The following CCDC6 variants were observed in gnomAD, a reference collection of about 807,000 sequenced individuals.
CCDC6 encodes the protein coiled-coil domain containing 6.
Under a neutral mutation model 56.6 loss-of-function variants are expected in CCDC6, and 20 were observed. The observed-to-expected ratio is 0.35, with a 90% confidence interval of 0.25 to 0.51. The LOEUF (loss-of-function observed/expected upper bound fraction) is 0.51. Ranked by LOEUF, CCDC6 falls within the 20% of genes least tolerant of loss-of-function variation. The probability of loss-of-function intolerance (pLI) is 0.95; values close to 1 mark genes in which losing one functional copy is unlikely to be tolerated. For missense variants in CCDC6, 367 were observed against 601.1 expected, an observed-to-expected ratio of 0.61 and a Z score of 4.07; for synonymous variants, 241 against 234.4, an observed-to-expected ratio of 1.03 and a Z score of -0.26.
At position 59,804,535 on chromosome 10, in the gene CCDC6, G is replaced by A. The variant is rs544550157; in HGVS notation, c.1005-15C>T. 1.1e-5 allele frequency: 16 copies of A among 1,491,768 alleles called. No individual in the cohort carries two copies. Among genetic ancestry groups the A allele is most frequent in the South Asian group, 1.0e-4 (9 of 88,590 alleles). 92.4% of individuals were successfully genotyped at this position (1,491,768 alleles called of 1,614,324 possible). A position where few individuals can be genotyped will look rare whatever the true frequency, so the allele number is the denominator to read the frequency against. Reference sequence around the variant, plus strand: ...CATTAAAATACCTAAGAGGAGAGAGGAGGAAACGATAAAACCACCTGCATT... The same window carrying A: ...CATTAAAATACCTAAGAGGAGAGAGAAGGAAACGATAAAACCACCTGCATT... On this transcript the variant is annotated splice_polypyrimidine_tract_variant and intron_variant, in intron 6 of 8. Transcript: ENST00000263102.
chr10:59,811,701 G>GAGGAACCC (rs1489405835), intron 5 of CCDC6, among the ~76,000 whole-genome samples: 2 of 152,086 alleles, frequency 1.3e-5, no homozygotes, highest in African/African-American at 4.8e-5. Context: ...AGTCAGCCCT[G>GAGGAACCC]AGGAACCCAC....
intron 7 of CCDC6, among the ~76,000 whole-genome samples, chr10:59,803,761 T>C (rs2070595988): frequency 6.6e-6 from 1 of 152,232 alleles, no homozygotes; most frequent in South Asian, 2.1e-4. Flanking sequence ...GGAAAGGTTG[T>C]GAGGGCAAAG....
chr10:59,825,913 G>A (rs2070784150), intron 3 of CCDC6, among the ~76,000 whole-genome samples: 1 of 152,136 alleles, frequency 6.6e-6, no homozygotes, highest in Non-Finnish European at 1.5e-5. Flanking sequence ...TTTGTCCTGA[G>A]GATTCAAATT....
intron 1 of CCDC6, among the ~76,000 whole-genome samples, chr10:59,881,166 T>A (rs2071331938): frequency 6.6e-6 from 1 of 152,188 alleles, no homozygotes; most frequent in Non-Finnish European, 1.5e-5. Flanking sequence ...TCTTGTCTAC[T>A]GTTTTCACTG....
intron 2 of CCDC6, among the ~76,000 whole-genome samples, chr10:59,843,533 C>A (rs1456796217): frequency 3.3e-5 from 5 of 152,174 alleles, no homozygotes; most frequent in Non-Finnish European, 1.5e-5. Context: ...TTATAGTATA[C>A]GCCCGGTAAT....
chr10:59,789,386 A>C lies in CCDC6; in HGVS notation c.*3531T>G, dbSNP rs2070448227. ...ATCAGAACTGCTGAGCATTCCAGAA[A>C]ATGCCCCCCACGACTTTATGCTAAC... On this transcript the variant is annotated 3_prime_UTR_variant, in exon 9 of 9. Coordinates refer to ENST00000263102, the MANE Select transcript of CCDC6 (RefSeq NM_005436.5). 4.3e-6 allele frequency: 1 copy of C among 230,582 alleles called. No individual in the cohort carries two copies. The highest frequency in any genetic ancestry group is 8.6e-6 in the Non-Finnish European group (1 of 116,438). 14.3% of individuals were successfully genotyped at this position (230,582 alleles called of 1,614,324 possible).
At chr10:59,865,401 C>T (rs1241089067) in intron 1 of CCDC6, among the ~76,000 whole-genome samples, 1 of 152,154 alleles carries the variant, frequency 6.6e-6, no homozygotes, top group African/African-American at 2.4e-5. Flanking sequence ...AAATCCAAGG[C>T]TCCTCCCACC....
chr10:59,904,092 A>C (rs1423419167), intron 1 of CCDC6, among the ~76,000 whole-genome samples: 4 of 152,250 alleles, frequency 2.6e-5, no homozygotes, highest in Non-Finnish European at 2.9e-5. Context: ...AAGAACTGAG[A>C]GGCTTCTGGT....
chr10:59,887,546 GAATAT>G (rs1478862409), intron 1 of CCDC6, among the ~76,000 whole-genome samples: 2 of 150,780 alleles, frequency 1.3e-5, no homozygotes, highest in African/African-American at 4.9e-5. Context: ...GGGCAGAACA[GAATAT>G]AATATCATAT....
At chr10:59,894,274 T>C (rs895138567) in intron 1 of CCDC6, among the ~76,000 whole-genome samples, 1 of 152,146 alleles carries the variant, frequency 6.6e-6, no homozygotes, top group African/African-American at 2.4e-5. Context: ...CAGCCCAGAG[T>C]TGCCCAGCTG....
chr10:59,874,031 C>T (rs923827730), intron 1 of CCDC6, among the ~76,000 whole-genome samples: 1 of 151,934 alleles, frequency 6.6e-6, no homozygotes, highest in African/African-American at 2.4e-5. Context: ...AGATCTATGA[C>T]ATCTAATACT....
intron 1 of CCDC6, among the ~76,000 whole-genome samples, chr10:59,853,306 G>A (rs969251248): frequency 6.6e-6 from 1 of 152,186 alleles, no homozygotes; most frequent in Non-Finnish European, 1.5e-5. Context: ...GCAGAGGTGG[G>A]TGGATCACTT....
intron 2 of CCDC6, among the ~76,000 whole-genome samples, chr10:59,842,313 CTA>C (rs1315456570): frequency 2.6e-5 from 4 of 151,404 alleles, no homozygotes; most frequent in African/African-American, 9.7e-5. Context: ...TCCCAAAGTG[CTA>C]GGATTACAGG....
intron 1 of CCDC6, among the ~76,000 whole-genome samples, chr10:59,891,751 G>A (rs942733087): frequency 2.6e-5 from 4 of 151,612 alleles, no homozygotes; most frequent in Admixed American, 1.3e-4. Flanking sequence ...AGAGGGAAGG[G>A]CAGTCTTGAG....
Position 59,793,010 on chromosome 10 carries a change from TGGAGGC to T in CCDC6, c.1326_1331del (p.Pro447_Pro448del), listed in dbSNP as rs2070482424. 3.1e-6 allele frequency: 5 copies of T among 1,612,106 alleles called. No homozygotes were observed. Among genetic ancestry groups the T allele is most frequent in the Non-Finnish European group, 4.2e-6 (5 of 1,178,788 alleles). On this transcript the variant is annotated inframe_deletion, in exon 9 of 9. Coordinates refer to ENST00000263102, the MANE Select transcript of CCDC6 (RefSeq NM_005436.5). ...CCGTGGGCTGCATGGGTGGCGGAGG[TGGAGGC>T]GGAGGTGGCTGGACTGGGGTCTGTG...
Position 59,792,850 on chromosome 10 carries a change from C to T in CCDC6, c.*67G>A. ...TATCCAAATATGCCAGAGAAGGAAG[C>T]CTTTGGCGTTGAGTAGACGGCTCCA... On this transcript the variant is annotated 3_prime_UTR_variant, in exon 9 of 9. Transcript: ENST00000263102. 1 of 1,470,896 alleles carries T rather than the reference C, an allele frequency of 6.8e-7. No homozygotes were observed. The highest frequency in any genetic ancestry group is 9.5e-7 in the Non-Finnish European group (1 of 1,049,778). The allele number at this position is 1,470,896 out of a possible 1,614,324, so 91.1% of individuals were successfully genotyped here. A position where few individuals can be genotyped will look rare whatever the true frequency, so the allele number is the denominator to read the frequency against.
intron 1 of CCDC6, among the ~76,000 whole-genome samples, chr10:59,901,048 C>A (rs551192709): frequency 7.2e-5 from 11 of 151,872 alleles, no homozygotes; most frequent in Admixed American, 1.3e-4. Flanking sequence ...ATAAAGCTGT[C>A]ACACACACAC....
At chr10:59,824,941 A>T (rs2132639240) in intron 3 of CCDC6, among the ~76,000 whole-genome samples, 1 of 152,310 alleles carries the variant, frequency 6.6e-6, no homozygotes, top group East Asian at 1.9e-4. Context: ...CCTTAATGCA[A>T]GTGACTCCTC....
intron 1 of CCDC6, among the ~76,000 whole-genome samples, chr10:59,862,570 T>TACACACACACACAC (rs907275659): frequency 5.5e-4 from 53 of 96,356 alleles, no homozygotes; most frequent in South Asian, 8.0e-4. Flanking sequence ...TATATACACA[T>TACACACACACACAC]ACACACACAC....
Sources: allele counts gnomAD v4.1 joint callset (sites outside exome capture counted in the v4.1 genomes callset), GRCh38; gene constraint gnomAD v4.1.1; transcripts MANE v1.5; gene names NCBI Gene and HGNC (gene_info 2026-07-23, HGNC 2026-07-21).